TTC39C: variants seen among roughly 807,000 people sequenced by gnomAD.
TTC39C encodes the protein tetratricopeptide repeat domain 39C, also known as tetratricopeptide repeat protein 39C.
In TTC39C, 33 loss-of-function variants were observed where a neutral mutation model predicts 76.3. The observed-to-expected ratio is 0.43, with a 90% CI of 0.33 to 0.58. TTC39C has a LOEUF of 0.58. Ranked by LOEUF, TTC39C falls within the 20% of genes least tolerant of loss-of-function variation. The pLI is 0.04. For synonymous variants in TTC39C, 254 were observed against 260.6 expected (o/e 0.97, Z 0.24); for missense variants, 595 against 701.4 (o/e 0.85, Z 1.71).
chr18:24,017,121 T>C (rs2083462787), intron 1 of TTC39C, among the ~76,000 whole-genome samples: 2 of 152,168 alleles, frequency 1.3e-5, no homozygotes, highest in African/African-American at 2.4e-5. Flanking sequence ...TTTTTAGAGA[T>C]GGTGGGAGGG....
At chr18:24,015,209 A>T in intron 1 of TTC39C, 171 bp downstream of exon 1, 1 of 536,498 alleles carries the variant, frequency 1.9e-6, no homozygotes, top group Non-Finnish European at 3.0e-6. Flanking sequence ...CCTCTGCCAC[A>T]TCTCCTCGTC....
At chr18:24,110,342 G>T (rs747511042) in intron 6 of TTC39C, among the ~76,000 whole-genome samples, 28 of 152,190 alleles carry the variant, frequency 1.8e-4, no homozygotes, top group Non-Finnish European at 4.0e-4. Flanking sequence ...TTTAATGGTG[G>T]CCTCATTAAA....
At position 24,096,155 on chromosome 18, in the gene TTC39C, C is replaced by T. The variant is rs75756903; in HGVS notation, c.984+13074C>T. Among the ~76,000 whole-genome samples, 1,433 of 152,236 alleles carry T rather than the reference C, an allele frequency of 9.4e-3. 47 individuals carry two copies. The East Asian group carries it at 0.095, about 10-fold the overall frequency. ...TATTGGGAGAATTACCAAAATGTGA[C>T]ACAGAGACACGAAGTGAGCTCATAC... On this transcript the variant is annotated intron_variant, in intron 6 of 13. Coordinates refer to ENST00000317571, the MANE Select transcript of TTC39C (RefSeq NM_001135993.2).
At chr18:24,040,871 G>A (rs1366816102) in intron 1 of TTC39C, among the ~76,000 whole-genome samples, 2 of 152,034 alleles carry the variant, frequency 1.3e-5, no homozygotes, top group African/African-American at 4.8e-5. Flanking sequence ...TGAAGTGGTG[G>A]TACTGTATTT....
At chr18:24,127,427 A>G (rs564495585) in intron 10 of TTC39C, among the ~76,000 whole-genome samples, 6 of 152,284 alleles carry the variant, frequency 3.9e-5, no homozygotes, top group Non-Finnish European at 5.9e-5. Context: ...TGAGAATCCT[A>G]TATCCTTGTC....
At chr18:24,061,568 TTAACTTAGGA>T (rs1460344735) in intron 1 of TTC39C, among the ~76,000 whole-genome samples, 1 of 134,316 alleles carries the variant, frequency 7.4e-6, no homozygotes. Context: ...ATGCAGTAAG[TTAACTTAGGA>T]TCACTTGAAA....
intron 7 of TTC39C, 167 bp downstream of exon 7, chr18:24,114,814 C>A: frequency 1.9e-6 from 1 of 538,160 alleles, no homozygotes; most frequent in Non-Finnish European, 3.3e-6. Context: ...CTCTGATTCT[C>A]ATTACGTTTT....
chr18:24,091,244 C>A (rs1347129290), intron 6 of TTC39C, among the ~76,000 whole-genome samples: 1 of 152,236 alleles, frequency 6.6e-6, no homozygotes, highest in African/African-American at 2.4e-5. Flanking sequence ...CTTGAGCTCA[C>A]AAGTTTGAGA....
intron 4 of TTC39C, among the ~76,000 whole-genome samples, chr18:24,073,693 A>AT (rs1457971871): frequency 3.3e-5 from 5 of 151,956 alleles, no homozygotes; most frequent in African/African-American, 1.2e-4. Flanking sequence ...TTTTTTAAAA[A>AT]TTTTTTGTAG....
chr18:24,014,897 C>A lies in TTC39C; in HGVS notation c.26C>A (p.Pro9Gln). The A allele has an allele frequency of 1.3e-6, 2 of 1,489,792 alleles. No homozygotes were observed. Among genetic ancestry groups the A allele is most frequent in the South Asian group, 1.3e-5 (1 of 75,988 alleles). 92.3% of individuals were successfully genotyped at this position (1,489,792 alleles called of 1,614,324 possible). Reference sequence around the variant, plus strand: ...ATGGCCGGCTCGGAGCAGCAGCGGCCGCGGCGGCGGGACGACGGAGACTCG... The same window carrying A: ...ATGGCCGGCTCGGAGCAGCAGCGGCAGCGGCGGCGGGACGACGGAGACTCG... The part of the protein sequence containing the change: MAGSEQQR[P>Q]RRRDDGDSDA... Residue 9 changes from proline to glutamine, a missense_variant, in exon 1 of 14, where the codon CCG (proline) becomes CAG (glutamine). By Grantham distance (76) the Pro-to-Gln change is moderately conservative (BLOSUM62 -1). Coordinates refer to ENST00000317571, the MANE Select transcript of TTC39C (RefSeq NM_001135993.2).
chr18:24,025,249 C>T (rs2083586023), intron 1 of TTC39C, among the ~76,000 whole-genome samples: 1 of 152,164 alleles, frequency 6.6e-6, no homozygotes, highest in South Asian at 2.1e-4. Flanking sequence ...TATTGGGTGG[C>T]AGAAATGAAA....
intron 6 of TTC39C, among the ~76,000 whole-genome samples, chr18:24,108,462 G>A (rs1299887023): frequency 6.6e-6 from 1 of 152,138 alleles, no homozygotes; most frequent in African/African-American, 2.4e-5. Flanking sequence ...AACTTTTGCT[G>A]GGTAGCTGAG....
At chr18:24,080,240 A>C (rs1482832441) in intron 4 of TTC39C, among the ~76,000 whole-genome samples, 1 of 152,212 alleles carries the variant, frequency 6.6e-6, no homozygotes, top group Non-Finnish European at 1.5e-5. Context: ...AATGCAGCGG[A>C]GGGTTTCACA....
At chr18:24,012,850 AACACAC>A (rs143178761), upstream of TTC39C, 718 of 145,000 alleles carry the variant, frequency 5.0e-3, 3 homozygotes, top group South Asian at 5.6e-3. Flanking sequence ...TGCCCATCAA[AACACAC>A]ACACACACAC....
At chr18:24,131,635 G>C (rs1302272747) in intron 12 of TTC39C, among the ~76,000 whole-genome samples, 1 of 151,400 alleles carries the variant, frequency 6.6e-6, no homozygotes, top group Non-Finnish European at 1.5e-5. Context: ...GAACACGGGA[G>C]GCAGAGGTTG....
chr18:24,108,339 G>C (rs914264781), intron 6 of TTC39C, among the ~76,000 whole-genome samples: 4 of 152,222 alleles, frequency 2.6e-5, no homozygotes, highest in Non-Finnish European at 5.9e-5. Context: ...TTATGTTACA[G>C]ATTCGGGGAG....
At chr18:24,118,255 G>A (rs1053446282) in intron 8 of TTC39C, 23 bp downstream of exon 8, 6 of 1,587,014 alleles carry the variant, frequency 3.8e-6, no homozygotes, top group Non-Finnish European at 5.2e-6. Context: ...TGGTCCCTCA[G>A]TGTGCCTCTC....
intron 1 of TTC39C, among the ~76,000 whole-genome samples, chr18:24,024,067 G>A (rs2145662385): frequency 7.4e-6 from 1 of 134,722 alleles, no homozygotes; most frequent in South Asian, 2.6e-4. Context: ...AGGCTGGAGT[G>A]CAATGGCCGA....
At chr18:24,079,392 T>C (rs2084348151) in intron 4 of TTC39C, among the ~76,000 whole-genome samples, 1 of 152,172 alleles carries the variant, frequency 6.6e-6, no homozygotes, top group African/African-American at 2.4e-5. Flanking sequence ...GTAAATCCCA[T>C]GTCTTACCTC....
Sources: allele counts gnomAD v4.1 joint callset (sites outside exome capture counted in the v4.1 genomes callset), GRCh38; gene constraint gnomAD v4.1.1; transcripts MANE v1.5; gene names NCBI Gene and HGNC (gene_info 2026-07-23, HGNC 2026-07-21).